PPP6R2: variants seen among roughly 807,000 people sequenced by gnomAD.
PPP6R2 encodes the protein protein phosphatase 6 regulatory subunit 2.
Under a neutral mutation model 100.2 loss-of-function variants are expected in PPP6R2, and 62 were observed. The ratio of observed to expected loss-of-function variants is 0.62; its 90% CI spans 0.50 to 0.76. The LOEUF (loss-of-function observed/expected upper bound fraction) is 0.76. Ranked by LOEUF, PPP6R2 falls within the 30% of genes least tolerant of loss-of-function variation. The probability of loss-of-function intolerance (pLI) is 0.00; values close to 1 mark genes in which losing one functional copy is unlikely to be tolerated. For synonymous variants in PPP6R2, 525 were observed against 514.7 expected, an observed-to-expected ratio of 1.02 and a Z score of -0.27; for missense variants, 1,142 against 1,276.3, an observed-to-expected ratio of 0.89 and a Z score of 1.60.
chr22:50,365,135 A>C (rs149602991), intron 1 of PPP6R2, among the ~76,000 whole-genome samples: 3,241 of 147,708 alleles, frequency 0.022, 41 homozygotes, highest in African/African-American at 0.041. Flanking sequence ...GTAATGGCGC[A>C]ATCTCGGCTC....
At chr22:50,338,667 G>A (rs1201730239), upstream of PPP6R2, among the ~76,000 whole-genome samples, 2 of 144,448 alleles carry the variant, frequency 1.4e-5, no homozygotes, top group Non-Finnish European at 3.0e-5. Flanking sequence ...TGTGTGGTAT[G>A]TGGTGTGTGT....
chr22:50,346,375 C>G (rs1241711027), intron 1 of PPP6R2, among the ~76,000 whole-genome samples: 2 of 38,858 alleles, frequency 5.1e-5, no homozygotes, highest in Non-Finnish European at 1.0e-4. Flanking sequence ...AGTGCCCCCT[C>G]CAGTCAGTGC....
intron 8 of PPP6R2, 69 bp downstream of exon 8, chr22:50,419,531 G>A (rs1460873212): frequency 1.9e-6 from 2 of 1,067,852 alleles, no homozygotes; most frequent in African/African-American, 3.1e-5. Flanking sequence ...GCCCACACGA[G>A]CAGTCTGGAT....
intron 18 of PPP6R2, 136 bp downstream of exon 18, chr22:50,438,434 A>G: frequency 1.4e-6 from 2 of 1,467,338 alleles, no homozygotes; most frequent in Non-Finnish European, 1.8e-6. Context: ...GGCCCAATGC[A>G]GCGGGTGACC....
intron 17 of PPP6R2, 92 bp from the exon 18 acceptor site, chr22:50,438,082 C>T: frequency 6.5e-7 from 1 of 1,533,244 alleles, no homozygotes; most frequent in Non-Finnish European, 8.8e-7. Flanking sequence ...CTCCCACATC[C>T]CGAACTAAGC....
At chr22:50,403,406 ACCTGGC>A (rs1556063087) in intron 3 of PPP6R2, among the ~76,000 whole-genome samples, 2 of 152,156 alleles carry the variant, frequency 1.3e-5, no homozygotes, top group Non-Finnish European at 2.9e-5. Flanking sequence ...GAGGCTGCCA[ACCTGGC>A]CCTCCTCTCC....
At chr22:50,396,382 C>T (rs1603149528) in intron 3 of PPP6R2, among the ~76,000 whole-genome samples, 1 of 151,104 alleles carries the variant, frequency 6.6e-6, no homozygotes. Context: ...ATAATCCCAG[C>T]TACTCAGAAG....
intron 14 of PPP6R2, 69 bp downstream of exon 14, chr22:50,436,521 T>C: frequency 6.8e-7 from 1 of 1,475,366 alleles, no homozygotes; most frequent in Admixed American, 2.0e-5. Flanking sequence ...GCTCCTGCCT[T>C]TGCCCTGAGG....
chr22:50,432,258 C>G lies in PPP6R2; in HGVS notation c.1336-7C>G. ...GACTCACGCTGTCCCCCTGCCCCGC[C>G]CCCCAGCTGTTCCAGAAGTGCTGCC... On this transcript the variant is annotated splice_region_variant and splice_polypyrimidine_tract_variant and intron_variant, in intron 11 of 23. Transcript: ENST00000612753. 1 of 1,549,678 alleles carries G rather than the reference C, an allele frequency of 6.5e-7. No homozygotes were observed. Among genetic ancestry groups the G allele is most frequent in the South Asian group, 1.2e-5 (1 of 84,022 alleles).
intron 1 of PPP6R2, among the ~76,000 whole-genome samples, chr22:50,361,037 A>G (rs1438732457): frequency 6.6e-6 from 1 of 152,086 alleles, no homozygotes; most frequent in Admixed American, 6.6e-5. Context: ...TGACTGCTCC[A>G]CTTTGAAGAC....
intron 22 of PPP6R2, among the ~76,000 whole-genome samples, chr22:50,442,259 G>A (rs2065833480): frequency 6.6e-6 from 1 of 152,238 alleles, no homozygotes; most frequent in Non-Finnish European, 1.5e-5. Context: ...AGTCTGTGTG[G>A]TACTGGGGCT....
chr22:50,382,114 T>A (rs982089264), intron 2 of PPP6R2, among the ~76,000 whole-genome samples: 2 of 152,070 alleles, frequency 1.3e-5, no homozygotes, highest in Admixed American at 1.3e-4. Context: ...TTGAGAATAG[T>A]GATGGAAGTC....
intron 14 of PPP6R2, 121 bp downstream of exon 14, chr22:50,436,573 C>T (rs2064323333): frequency 1.2e-5 from 11 of 943,766 alleles, no homozygotes; most frequent in African/African-American, 1.6e-5. Context: ...CCTGCCTGCT[C>T]CTCTTGACTA....
At chr22:50,341,992 C>CA (rs563190922), upstream of PPP6R2, among the ~76,000 whole-genome samples, 21,682 of 137,500 alleles carry the variant, frequency 0.16, 3,318 homozygotes, top group African/African-American at 0.41. Flanking sequence ...GACTCCGTCT[C>CA]AAAAAAAAAA....
At chr22:50,421,508 C>G (rs544109906) in intron 8 of PPP6R2, among the ~76,000 whole-genome samples, 179 of 152,270 alleles carry the variant, frequency 1.2e-3, no homozygotes, top group Non-Finnish European at 1.9e-3. Context: ...GCACCTGGCT[C>G]TCTGATTTTT....
intron 1 of PPP6R2, among the ~76,000 whole-genome samples, chr22:50,354,150 C>G (rs151139695): frequency 0.011 from 1,711 of 151,756 alleles, 24 homozygotes; most frequent in East Asian, 0.062. Flanking sequence ...ACTAAAAATA[C>G]AAAAATTAGC....
At position 50,443,943 on chromosome 22, in the gene PPP6R2, C is replaced by G; in HGVS notation, c.2657C>G (p.Ala886Gly). Reference sequence around the variant, plus strand: ...GAAGTGACTGCTGCCCCAGCCGTGGCTGTGCCCCCCGAGGCTACTGTGGCC... The same window carrying G: ...GAAGTGACTGCTGCCCCAGCCGTGGGTGTGCCCCCCGAGGCTACTGTGGCC... Reference protein sequence around the residue: ...PKEVTAAPAVAVPPEATVAIT... With the variant: ...PKEVTAAPAVGVPPEATVAIT... Residue 886 changes from alanine to glycine, a missense_variant, in exon 23 of 24, where the codon GCT becomes GGT. By Grantham distance (60) the Ala-to-Gly change is moderately conservative. Transcript: ENST00000612753. The G allele has an allele frequency of 6.2e-7, 1 of 1,609,664 alleles. No homozygotes were observed.
chr22:50,440,658 G>A (rs910064246), intron 21 of PPP6R2, 164 bp from the exon 22 acceptor site: 2 of 739,932 alleles, frequency 2.7e-6, no homozygotes, highest in African/African-American at 1.7e-5. Flanking sequence ...CATGGCAGGT[G>A]CGTGAGCCTG....
intron 1 of PPP6R2, among the ~76,000 whole-genome samples, chr22:50,352,469 C>G (rs1163855505): frequency 6.6e-6 from 1 of 152,006 alleles, no homozygotes; most frequent in Non-Finnish European, 1.5e-5. Context: ...GTGTCTGACC[C>G]CTGTAATCCC....
Sources: allele counts gnomAD v4.1 joint callset (sites outside exome capture counted in the v4.1 genomes callset), GRCh38; gene constraint gnomAD v4.1.1; transcripts MANE v1.5; gene names NCBI Gene and HGNC (gene_info 2026-07-23, HGNC 2026-07-21).